The following ZNF385B variants were observed in gnomAD, a reference collection of about 807,000 sequenced individuals.
The protein encoded by ZNF385B is zinc finger protein 385B.
In ZNF385B, 23 loss-of-function variants were observed where a neutral mutation model predicts 39.2. The observed-to-expected ratio is 0.59, with a 90% CI of 0.42 to 0.83. ZNF385B has a LOEUF of 0.83. Among genes scored for constraint, ZNF385B ranks in the 40% least tolerant of loss-of-function variants. ZNF385B has a pLI of 0.00. For missense variants in ZNF385B, 552 were observed against 598.9 expected (o/e 0.92, Z 0.82); for synonymous variants, 205 against 222.6 (o/e 0.92, Z 0.70).
In ZNF385B at chr2:179,443,108, C is replaced by G; in HGVS notation, c.*142G>C. ...CGTCAATCTAGTGATGTGTTTCTCTCTGGAATTGGGGGACTGGGTGGTGGG... is the reference window on the plus strand; with the variant it reads ...CGTCAATCTAGTGATGTGTTTCTCTGTGGAATTGGGGGACTGGGTGGTGGG... On this transcript the variant is annotated 3_prime_UTR_variant, in exon 10 of 10. Transcript: ENST00000410066. The G allele has an allele frequency of 1.1e-6, 1 of 878,926 alleles. No homozygotes were observed. The highest frequency in any genetic ancestry group is 1.8e-6 in the Non-Finnish European group (1 of 543,324). The allele number at this position is 878,926 out of a possible 1,614,324, so 54.4% of individuals were successfully genotyped here. A position where few individuals can be genotyped will look rare whatever the true frequency, so the allele number is the denominator to read the frequency against.
At chr2:179,803,829 A>T (rs1266662009) in intron 1 of ZNF385B, among the ~76,000 whole-genome samples, 7 of 152,190 alleles carry the variant, frequency 4.6e-5, no homozygotes, top group African/African-American at 1.7e-4. Flanking sequence ...TATCCAACTT[A>T]GTTGGGATCT....
rs144175768 is a variant in ZNF385B, at chr2:179,572,107, C to T, written c.299-27138G>A. Among the ~76,000 whole-genome samples, 367 of 152,154 alleles carry T rather than the reference C, an allele frequency of 2.4e-3. 2 individuals are homozygous for T. The highest frequency in any genetic ancestry group is 8.5e-3 in the African/African-American group (355 of 41,528). On this transcript the variant is annotated intron_variant, in intron 3 of 9. Coordinates refer to ENST00000410066, the MANE Select transcript of ZNF385B (RefSeq NM_152520.6). ...CTAGGGTGTCTACCTTCTTGTTGAACAGGACAGGAGGTGGGCCAGGAGCCA... is the reference window on the plus strand; with the variant it reads ...CTAGGGTGTCTACCTTCTTGTTGAATAGGACAGGAGGTGGGCCAGGAGCCA...
At chr2:179,763,596 T>C (rs1017865405) in intron 3 of ZNF385B, among the ~76,000 whole-genome samples, 1 of 152,358 alleles carries the variant, frequency 6.6e-6, no homozygotes, top group African/African-American at 2.4e-5. Flanking sequence ...AACTTACTTA[T>C]TTGAGAACTT....
At chr2:179,687,676 G>C (rs1024893025) in intron 3 of ZNF385B, among the ~76,000 whole-genome samples, 3 of 152,186 alleles carry the variant, frequency 2.0e-5, no homozygotes, top group African/African-American at 7.2e-5. Flanking sequence ...TCTGGAGTAA[G>C]ATAGGCCTTA....
chr2:179,632,927 A>C (rs544691047), intron 3 of ZNF385B, among the ~76,000 whole-genome samples: 16 of 152,222 alleles, frequency 1.1e-4, no homozygotes, highest in African/African-American at 3.6e-4. Flanking sequence ...ATAAACACCT[A>C]TATGCAAATA....
chr2:179,627,819 A>C (rs1333434032), intron 3 of ZNF385B, among the ~76,000 whole-genome samples: 1 of 150,874 alleles, frequency 6.6e-6, no homozygotes, highest in East Asian at 1.9e-4. Flanking sequence ...TTTTTTTTCC[A>C]AAAACAAATA....
chr2:179,727,042 A>C (rs1258936208), intron 3 of ZNF385B, among the ~76,000 whole-genome samples: 1 of 151,986 alleles, frequency 6.6e-6, no homozygotes, highest in African/African-American at 2.4e-5. Context: ...CTTGTGGTGC[A>C]AGTAGAGTTC....
At chr2:179,485,849 C>G (rs2105613039) in intron 5 of ZNF385B, among the ~76,000 whole-genome samples, 1 of 152,236 alleles carries the variant, frequency 6.6e-6, no homozygotes, top group South Asian at 2.1e-4. Flanking sequence ...AGTGATTTCC[C>G]TAGCATATAA....
intron 3 of ZNF385B, among the ~76,000 whole-genome samples, chr2:179,582,103 A>G (rs1442157171): frequency 1.3e-5 from 2 of 152,190 alleles, no homozygotes; most frequent in Non-Finnish European, 2.9e-5. Flanking sequence ...AAACTTCCTC[A>G]TAACCACTTC....
At chr2:179,844,261 T>C (rs959729874) in intron 1 of ZNF385B, among the ~76,000 whole-genome samples, 2 of 152,166 alleles carry the variant, frequency 1.3e-5, no homozygotes, top group Non-Finnish European at 2.9e-5. Context: ...GTAAAAAAAA[T>C]AGTTTGAACT....
chr2:179,562,479 C>G (rs1401011859), intron 3 of ZNF385B: 2 of 985,206 alleles, frequency 2.0e-6, no homozygotes, highest in East Asian at 2.3e-4. Flanking sequence ...GTAAATAATT[C>G]CATCATCTCA....
chr2:179,687,989 AC>A (rs1183424196), intron 3 of ZNF385B, among the ~76,000 whole-genome samples: 2 of 152,130 alleles, frequency 1.3e-5, no homozygotes, highest in African/African-American at 4.8e-5. Context: ...AGTACCATCT[AC>A]CCCATAGATT....
At chr2:179,562,964 G>A (rs1031329265) in intron 3 of ZNF385B, among the ~76,000 whole-genome samples, 9 of 152,006 alleles carry the variant, frequency 5.9e-5, no homozygotes, top group African/African-American at 1.5e-4. Context: ...TATTCTGTTA[G>A]ACTAGAATAA....
At chr2:179,842,641 G>A (rs1294467110) in intron 1 of ZNF385B, among the ~76,000 whole-genome samples, 3 of 151,818 alleles carry the variant, frequency 2.0e-5, no homozygotes, top group African/African-American at 7.3e-5. Context: ...AAATGTCACT[G>A]GCCCACAGAG....
intron 3 of ZNF385B, among the ~76,000 whole-genome samples, chr2:179,630,079 G>C (rs904519413): frequency 5.9e-5 from 9 of 152,254 alleles, no homozygotes; most frequent in African/African-American, 1.2e-4. Context: ...CTGCCTCTGC[G>C]GGCAGGGCAT....
chr2:179,490,101 A>C (rs983518652), intron 5 of ZNF385B, among the ~76,000 whole-genome samples: 3 of 152,178 alleles, frequency 2.0e-5, no homozygotes, highest in African/African-American at 7.2e-5. Context: ...TTGGCTTTAT[A>C]ATATAGATGT....
At chr2:179,455,024 A>G (rs985845835) in intron 6 of ZNF385B, among the ~76,000 whole-genome samples, 3 of 152,176 alleles carry the variant, frequency 2.0e-5, no homozygotes, top group Admixed American at 2.0e-4. Context: ...GTGTATAGGA[A>G]TGTCCTGGGC....
At chr2:179,497,669 T>G (rs954808036) in intron 5 of ZNF385B, among the ~76,000 whole-genome samples, 1 of 151,596 alleles carries the variant, frequency 6.6e-6, no homozygotes, top group African/African-American at 2.4e-5. Context: ...GAGAAGACCA[T>G]AAAACAACCA....
At chr2:179,858,175 G>T (rs1330790904) in intron 1 of ZNF385B, among the ~76,000 whole-genome samples, 2 of 151,836 alleles carry the variant, frequency 1.3e-5, no homozygotes, top group African/African-American at 4.8e-5. Context: ...GAAGAAGCAG[G>T]CATCATAAAG....
Sources: gnomAD v4.1 joint callset for allele counts (sites outside exome capture counted in the v4.1 genomes callset) on GRCh38, gnomAD v4.1.1 for gene constraint, MANE v1.5 for transcripts, NCBI Gene and HGNC (gene_info 2026-07-23, HGNC 2026-07-21) for gene names.